LSM3: variants seen among roughly 807,000 people sequenced by gnomAD.
LSM3 encodes U6 snRNA-associated Sm-like protein LSm3.
A neutral mutation model predicts 15.4 loss-of-function variants in LSM3; 14 were observed. The ratio of observed to expected loss-of-function variants is 0.91; its 90% CI spans 0.60 to 1.42. LSM3 has a LOEUF of 1.42. LSM3 is among the 40% of genes most tolerant of loss of function. The pLI is 0.00. For missense variants in LSM3, 88 were observed against 127.9 expected, an observed-to-expected ratio of 0.69 and a Z score of 1.50; for synonymous variants, 46 against 45.1, an observed-to-expected ratio of 1.02 and a Z score of -0.08.
intron 3 of LSM3, among the ~76,000 whole-genome samples, chr3:14,191,652 G>A (rs548593288): frequency 1.3e-4 from 20 of 152,044 alleles, no homozygotes; most frequent in South Asian, 2.1e-4. Context: ...TTTTTATTGC[G>A]TCTATTTGAT....
intron 3 of LSM3, 40 bp downstream of exon 3, chr3:14,184,072 G>A (rs1216096616): frequency 7.6e-6 from 12 of 1,577,868 alleles, no homozygotes; most frequent in Admixed American, 1.9e-5. Flanking sequence ...GCAAATATCA[G>A]CTGTTCTCTC....
At chr3:14,194,118 T>G (rs1697166693) in intron 3 of LSM3, among the ~76,000 whole-genome samples, 1 of 152,206 alleles carries the variant, frequency 6.6e-6, no homozygotes, top group Non-Finnish European at 1.5e-5. Context: ...TGCTGCCTGT[T>G]TTTTCCTCTG....
At chr3:14,181,362 C>T (rs918021675) in intron 1 of LSM3, among the ~76,000 whole-genome samples, 198 bp from the exon 2 acceptor site, 7 of 152,184 alleles carry the variant, frequency 4.6e-5, no homozygotes, top group African/African-American at 1.7e-4. Flanking sequence ...ATGTGAAAAG[C>T]TCTGTTCTAA....
chr3:14,178,841 A>G lies in LSM3; in HGVS notation c.-20A>G. 1 of 1,614,226 alleles carries G rather than the reference A, an allele frequency of 6.2e-7. No individual in the cohort carries two copies. The highest frequency in any genetic ancestry group is 1.3e-5 in the African/African-American group (1 of 75,078). ...TCTTGTGTTCTCGCGAGAGGCGGGA[A>G]AGGGCGCAGGGTTTGAAACATGGCG... On this transcript the variant is annotated 5_prime_UTR_variant, in exon 1 of 4. Coordinates refer to ENST00000306024, the MANE Select transcript of LSM3 (RefSeq NM_014463.3).
chr3:14,197,947 G>T, intron 3 of LSM3, 89 bp from the exon 4 acceptor site: 2 of 1,151,700 alleles, frequency 1.7e-6, no homozygotes, highest in South Asian at 2.6e-5. Context: ...TTTGTGTCAT[G>T]ATGAATCCAT....
At chr3:14,181,301 T>G (rs1419071905) in intron 1 of LSM3, among the ~76,000 whole-genome samples, 1 of 152,242 alleles carries the variant, frequency 6.6e-6, no homozygotes, top group African/African-American at 2.4e-5. Flanking sequence ...TATTTTGCTG[T>G]GTAACTTCTC....
intron 3 of LSM3, among the ~76,000 whole-genome samples, chr3:14,184,461 T>TA (rs1490789874): frequency 2.0e-5 from 3 of 152,154 alleles, no homozygotes; most frequent in Non-Finnish European, 4.4e-5. Flanking sequence ...ATTTATTCAT[T>TA]AAAAAAACCT....
At chr3:14,182,304 A>G (rs1005887208) in intron 2 of LSM3, among the ~76,000 whole-genome samples, 1 of 152,088 alleles carries the variant, frequency 6.6e-6, no homozygotes, top group Non-Finnish European at 1.5e-5. Flanking sequence ...ACCTCTACAA[A>G]ACATGGATCT....
chr3:14,180,226 AT>A (rs1385627094), intron 1 of LSM3, among the ~76,000 whole-genome samples: 2 of 151,958 alleles, frequency 1.3e-5, no homozygotes, highest in Non-Finnish European at 2.9e-5. Context: ...TCTAAAACCA[AT>A]GTTTCCAGCA....
chr3:14,183,397 C>A (rs1697058140), intron 2 of LSM3, among the ~76,000 whole-genome samples: 1 of 152,212 alleles, frequency 6.6e-6, no homozygotes, highest in Admixed American at 6.5e-5. Context: ...CATTTAAGTT[C>A]TGGATAGGTT....
chr3:14,185,571 A>C (rs991494614), intron 3 of LSM3, among the ~76,000 whole-genome samples: 1 of 152,180 alleles, frequency 6.6e-6, no homozygotes, highest in Non-Finnish European at 1.5e-5. Context: ...TTGTAATTGA[A>C]GCAAATCTGA....
intron 2 of LSM3, 85 bp from the exon 3 acceptor site, chr3:14,183,852 A>T: frequency 1.0e-6 from 1 of 982,986 alleles, no homozygotes. Context: ...CCTAGTTGTA[A>T]TTGAGCAATT....
chr3:14,190,010 G>T (rs1697124450), intron 3 of LSM3, among the ~76,000 whole-genome samples: 1 of 152,128 alleles, frequency 6.6e-6, no homozygotes, highest in South Asian at 2.1e-4. Flanking sequence ...TCAGTTTTCT[G>T]CATATAGCTA....
chr3:14,198,755 A>T lies in LSM3; in HGVS notation c.*639A>T, dbSNP rs1160881525. 1 of 152,100 alleles carries T rather than the reference A, an allele frequency of 6.6e-6. No individual in the cohort carries two copies. The highest frequency in any genetic ancestry group is 1.9e-4 in the East Asian group (1 of 5,186). The allele number at this position is 152,100 out of a possible 1,614,324, so 9.4% of individuals were successfully genotyped here. On this transcript the variant is annotated 3_prime_UTR_variant, in exon 4 of 4. Transcript: ENST00000306024. ...ATACTTGTAATCCCAGCTACTCAGG[A>T]GGCTGAGGCAGTAGACGCTTGAACC...
At chr3:14,193,858 G>A (rs1044113489) in intron 3 of LSM3, among the ~76,000 whole-genome samples, 3 of 152,150 alleles carry the variant, frequency 2.0e-5, no homozygotes, top group Admixed American at 6.6e-5. Context: ...GAGGAGAGGC[G>A]TTCGTGTTTT....
intron 1 of LSM3, 151 bp from the exon 2 acceptor site, chr3:14,181,409 T>A (rs777116815): frequency 1.6e-6 from 1 of 622,888 alleles, no homozygotes; most frequent in Non-Finnish European, 2.9e-6. Flanking sequence ...ACAAAAACAG[T>A]ATTAGGTAGA....
At position 14,184,031 on chromosome 3, in the gene LSM3, A is replaced by T. The variant is rs1306615077; in HGVS notation, c.227A>T (p.Lys76Ile). The T allele has an allele frequency of 6.2e-7, 1 of 1,603,874 alleles. No homozygotes were observed. Residue 76 changes from lysine (K) to isoleucine (I), a missense_variant and splice_region_variant, in exon 3 of 4, where the codon AAA becomes ATA. Coordinates refer to ENST00000306024, the MANE Select transcript of LSM3 (RefSeq NM_014463.3). ...GAAGAAACATATGAAGAGATATATA[A>T]AGTAAGTCATGCAATTCTATTCATT... is the stretch of plus-strand genomic sequence containing the variant. ...IDEETYEEIY[K>I]STKRNIPMLF...
chr3:14,200,107 T>G lies in LSM3; in HGVS notation c.*1991T>G, dbSNP rs1409322804. 6.6e-6 allele frequency: 1 copy of G among 152,244 alleles called. No individual in the cohort carries two copies. Among genetic ancestry groups the G allele is most frequent in the African/African-American group, 2.4e-5 (1 of 41,452 alleles). 9.4% of individuals were successfully genotyped at this position (152,244 alleles called of 1,614,324 possible). A position where few individuals can be genotyped will look rare whatever the true frequency, so the allele number is the denominator to read the frequency against. On this transcript the variant is annotated 3_prime_UTR_variant, in exon 4 of 4. Transcript: ENST00000306024. ...ACTAAAACTTTTGGCTGTGAGGACT[T>G]GATTATACACATTTCTAAAACCCAT...
At chr3:14,192,172 A>T (rs764772337) in intron 3 of LSM3, among the ~76,000 whole-genome samples, 1 of 152,150 alleles carries the variant, frequency 6.6e-6, no homozygotes, top group Admixed American at 6.6e-5. Context: ...CTGTTCTTTT[A>T]CATTTGCTGA....
Sources: allele counts gnomAD v4.1 joint callset (sites outside exome capture counted in the v4.1 genomes callset), GRCh38; gene constraint gnomAD v4.1.1; transcripts MANE v1.5; gene names NCBI Gene and HGNC (gene_info 2026-07-23, HGNC 2026-07-21).